DRC8: variants seen among roughly 807,000 people sequenced by gnomAD.
The protein encoded by DRC8 is dynein regulatory complex subunit 8, also known as dynein regulatory complex protein 8.
At chr1:244,987,668 T>TG in the DRC8 span, among the ~76,000 whole-genome samples, 1 of 151,796 alleles carries the variant, frequency 6.6e-6, no homozygotes, top group African/African-American at 2.4e-5. Context: ...AGCATATGTC[T>TG]GGAATATGTA....
At chr1:245,039,738 C>G in the DRC8 span, among the ~76,000 whole-genome samples, 5 of 152,088 alleles carry the variant, frequency 3.3e-5, no homozygotes, top group Admixed American at 6.6e-5. Flanking sequence ...TTTGAAAAAT[C>G]CTGCTGAATT....
At chr1:245,052,205 G>A in the DRC8 span, among the ~76,000 whole-genome samples, 1 of 152,244 alleles carries the variant, frequency 6.6e-6, no homozygotes, top group Non-Finnish European at 1.5e-5. Flanking sequence ...GGACAGATTT[G>A]ATGTTGGATG....
At chr1:245,016,034 T>C in the DRC8 span, among the ~76,000 whole-genome samples, 10 of 137,022 alleles carry the variant, frequency 7.3e-5, no homozygotes, top group Non-Finnish European at 1.4e-4. Flanking sequence ...AGTGCAATGG[T>C]GCAATGGCGC....
chr1:245,084,058 T>TCC, the DRC8 span, among the ~76,000 whole-genome samples: 94 of 30,058 alleles, frequency 3.1e-3, 5 homozygotes, highest in Non-Finnish European at 5.2e-3. Flanking sequence ...AATATAAAAA[T>TCC]TCCGCCCCCC....
the DRC8 span, among the ~76,000 whole-genome samples, chr1:244,972,118 T>C: frequency 6.6e-6 from 1 of 152,240 alleles, no homozygotes; most frequent in Non-Finnish European, 1.5e-5. Context: ...AGAGCTTTCC[T>C]GATTTTTCAG....
At chr1:245,118,744 A>T in the DRC8 span, among the ~76,000 whole-genome samples, 11 of 151,528 alleles carry the variant, frequency 7.3e-5, no homozygotes, top group African/African-American at 2.4e-4. Flanking sequence ...GTAAGCCAAG[A>T]TCGCACCACT....
chr1:245,058,840 A>T, the DRC8 span, among the ~76,000 whole-genome samples: 1 of 152,170 alleles, frequency 6.6e-6, no homozygotes, highest in African/African-American at 2.4e-5. Flanking sequence ...CCCTTAGTGT[A>T]TCCCCCTTCC....
At chr1:245,063,429 A>G in the DRC8 span, among the ~76,000 whole-genome samples, 6 of 152,132 alleles carry the variant, frequency 3.9e-5, no homozygotes, top group Admixed American at 3.9e-4. Flanking sequence ...GCCAATTCCT[A>G]TCTAATTCCT....
At chr1:245,103,725 A>T in the DRC8 span, among the ~76,000 whole-genome samples, 2 of 136,732 alleles carry the variant, frequency 1.5e-5, no homozygotes, top group Non-Finnish European at 3.3e-5. Context: ...TGGTCAGGAG[A>T]GGGGACCGGA....
chr1:245,057,957 C>G, the DRC8 span, among the ~76,000 whole-genome samples: 11 of 152,160 alleles, frequency 7.2e-5, no homozygotes, highest in Non-Finnish European at 1.6e-4. Context: ...TCTTCCCTTC[C>G]CAGCCTCTGG....
chr1:245,075,045 T>C, the DRC8 span, among the ~76,000 whole-genome samples: 11 of 152,364 alleles, frequency 7.2e-5, no homozygotes, highest in South Asian at 1.9e-3. Context: ...TCTTGTTTTT[T>C]GTGAAGCATG....
chr1:244,969,894 G>T, the DRC8 span: 1 of 454,012 alleles, frequency 2.2e-6, no homozygotes, highest in Non-Finnish European at 3.8e-6. Flanking sequence ...AATGGGAAGC[G>T]GGAGGAGGAG....
the DRC8 span, among the ~76,000 whole-genome samples, chr1:245,006,389 G>A: frequency 6.6e-6 from 1 of 152,046 alleles, no homozygotes; most frequent in African/African-American, 2.4e-5. Context: ...TCCACTTACT[G>A]CAACCTCCAC....
At chr1:245,003,007 G>C in the DRC8 span, among the ~76,000 whole-genome samples, 2 of 152,112 alleles carry the variant, frequency 1.3e-5, no homozygotes, top group Non-Finnish European at 2.9e-5. Flanking sequence ...ATGAGTTTGA[G>C]CACTCTAGGT....
At chr1:244,972,384 T>G in the DRC8 span, among the ~76,000 whole-genome samples, 1 of 152,220 alleles carries the variant, frequency 6.6e-6, no homozygotes, top group Non-Finnish European at 1.5e-5. Flanking sequence ...TTAACTGGGC[T>G]GAGTAGTCTG....
At chr1:244,993,609 G>A in the DRC8 span, among the ~76,000 whole-genome samples, 2 of 152,230 alleles carry the variant, frequency 1.3e-5, no homozygotes, top group African/African-American at 4.8e-5. Context: ...TTGTGCTGCT[G>A]TAACAGGATA....
chr1:244,996,057 TCA>T, the DRC8 span, among the ~76,000 whole-genome samples: 2 of 152,244 alleles, frequency 1.3e-5, no homozygotes, highest in Non-Finnish European at 2.9e-5. Flanking sequence ...ATTTATTTTT[TCA>T]CACAGTTTCT....
the DRC8 span, among the ~76,000 whole-genome samples, chr1:245,054,052 C>G: frequency 6.6e-6 from 1 of 152,048 alleles, no homozygotes; most frequent in South Asian, 2.1e-4. Context: ...AAAATATGCT[C>G]ACATCATTCA....
chr1:244,970,738 C>A, the DRC8 span: 1 of 464,144 alleles, frequency 2.2e-6, no homozygotes. Flanking sequence ...CTTCTTTCTC[C>A]TCCCGCCCTC....
Sources: gnomAD v4.1 joint callset for allele counts (sites outside exome capture counted in the v4.1 genomes callset) on GRCh38, gnomAD v4.1.1 for gene constraint, MANE v1.5 for transcripts, NCBI Gene and HGNC (gene_info 2026-07-23, HGNC 2026-07-21) for gene names.